Variants in KANK4 observed in about 807,000 individuals in gnomAD.
KANK4 encodes KN motif and ankyrin repeat domains 4, also known as KN motif and ankyrin repeat domain-containing protein 4.
In KANK4, 50 loss-of-function variants were observed where a neutral mutation model predicts 80.8. The observed-to-expected ratio is 0.62, with a 90% CI of 0.49 to 0.78. The LOEUF (loss-of-function observed/expected upper bound fraction) is 0.78. KANK4 is among the 30% of genes least tolerant of loss of function. KANK4 has a pLI of 0.00. For missense variants in KANK4, 1,196 were observed against 1,240.1 expected, an observed-to-expected ratio of 0.96 and a Z score of 0.53; for synonymous variants, 465 against 506.9, an observed-to-expected ratio of 0.92 and a Z score of 1.11.
At chr1:62,267,298 T>C (rs1297061173) in intron 5 of KANK4, among the ~76,000 whole-genome samples, 1 of 83,358 alleles carries the variant, frequency 1.2e-5, no homozygotes, top group African/African-American at 5.8e-5. Flanking sequence ...GTCAGTAATA[T>C]GAGACTCGTT....
At chr1:62,249,743 A>G (rs1401182755) in intron 8 of KANK4, among the ~76,000 whole-genome samples, 3 of 151,832 alleles carry the variant, frequency 2.0e-5, no homozygotes, top group African/African-American at 7.3e-5. Flanking sequence ...GGGTTTCACC[A>G]TGTTGGTCAG....
intron 1 of KANK4, among the ~76,000 whole-genome samples, chr1:62,303,141 T>C (rs1644425804): frequency 6.7e-6 from 1 of 150,124 alleles, no homozygotes; most frequent in African/African-American, 2.5e-5. Context: ...AGGTTTGCAA[T>C]AGTCAGTGAG....
At chr1:62,317,659 C>T (rs1644552994) in intron 1 of KANK4, among the ~76,000 whole-genome samples, 1 of 152,242 alleles carries the variant, frequency 6.6e-6, no homozygotes, top group Non-Finnish European at 1.5e-5. Context: ...CTAGAAGGCT[C>T]ATTCCACTCT....
intron 5 of KANK4, among the ~76,000 whole-genome samples, chr1:62,267,948 C>T (rs764610092): frequency 6.6e-6 from 1 of 152,146 alleles, no homozygotes; most frequent in Non-Finnish European, 1.5e-5. Context: ...TCTCTGTTTC[C>T]ACAACTGTAG....
intron 9 of KANK4, 144 bp downstream of exon 9, chr1:62,247,328 G>C: frequency 4.7e-6 from 1 of 211,672 alleles, no homozygotes; most frequent in Non-Finnish European, 9.2e-6. Flanking sequence ...TTTAAGAGAT[G>C]GGGGTCTCCC....
intron 1 of KANK4, among the ~76,000 whole-genome samples, chr1:62,295,186 G>A (rs1252507676): frequency 2.0e-5 from 3 of 151,644 alleles, no homozygotes; most frequent in Non-Finnish European, 2.9e-5. Flanking sequence ...TCGCCCAGGC[G>A]GGAGTGCAGT....
intron 8 of KANK4, among the ~76,000 whole-genome samples, chr1:62,250,897 G>A (rs925384942): frequency 4.6e-5 from 7 of 152,164 alleles, no homozygotes; most frequent in Admixed American, 3.9e-4. Flanking sequence ...CTTTGCCATC[G>A]GGTTAGGTTA....
chr1:62,255,471 A>C (rs56283743), intron 7 of KANK4, among the ~76,000 whole-genome samples: 4,936 of 147,178 alleles, frequency 0.034, 275 homozygotes, highest in African/African-American at 0.12. Context: ...TGCAGTGGTG[A>C]GATCATGGCT....
At chr1:62,282,164 T>C (rs1322033403) in intron 1 of KANK4, among the ~76,000 whole-genome samples, 1 of 152,076 alleles carries the variant, frequency 6.6e-6, no homozygotes, top group African/African-American at 2.4e-5. Context: ...AGCTGCTACT[T>C]AGAGGTAATT....
chr1:62,262,827 A>G (rs1442983945), intron 7 of KANK4, among the ~76,000 whole-genome samples: 1 of 152,174 alleles, frequency 6.6e-6, no homozygotes, highest in Non-Finnish European at 1.5e-5. Context: ...ACGAAGACAT[A>G]CAGAGTGGCA....
rs557192350 is a variant in KANK4 at position 62,238,028 on chromosome 1, G to A, written c.*249C>T. ...ATGTTTTGGATGTTTGGATGACACC[G>A]ACGTACCCCTCACCTTGCACCTTGA... On this transcript the variant is annotated 3_prime_UTR_variant, in exon 10 of 10. Coordinates refer to ENST00000371153, the MANE Select transcript of KANK4 (RefSeq NM_181712.5). 8.2e-5 allele frequency: 34 copies of A among 414,858 alleles called. No homozygotes were observed. Among genetic ancestry groups the A allele is most frequent in the South Asian group, 6.7e-5 (1 of 14,924 alleles). The allele number at this position is 414,858 out of a possible 1,614,324, so 25.7% of individuals were successfully genotyped here. A position where few individuals can be genotyped will look rare whatever the true frequency, so the allele number is the denominator to read the frequency against.
At chr1:62,308,202 G>A (rs1056932063) in intron 1 of KANK4, among the ~76,000 whole-genome samples, 3 of 152,164 alleles carry the variant, frequency 2.0e-5, no homozygotes, top group Non-Finnish European at 4.4e-5. Context: ...TGCTTTGGAA[G>A]GCTAACTACA....
At chr1:62,314,600 CA>C (rs1405084949) in intron 1 of KANK4, among the ~76,000 whole-genome samples, 1 of 151,976 alleles carries the variant, frequency 6.6e-6, no homozygotes, top group Non-Finnish European at 1.5e-5. Flanking sequence ...CCCCCCTTGT[CA>C]TTTGACGTCA....
At chr1:62,285,175 T>C (rs1672536793) in intron 1 of KANK4, among the ~76,000 whole-genome samples, 2 of 152,234 alleles carry the variant, frequency 1.3e-5, no homozygotes, top group South Asian at 4.1e-4. Context: ...GGATAGCTTG[T>C]GTGACTCCAT....
At chr1:62,295,566 G>A (rs1343080236) in intron 1 of KANK4, among the ~76,000 whole-genome samples, 9 of 152,190 alleles carry the variant, frequency 5.9e-5, no homozygotes, top group African/African-American at 1.9e-4. Flanking sequence ...ATTATCTACT[G>A]TTGGGAGGAG....
chr1:62,283,493 T>C (rs926404584), intron 1 of KANK4, among the ~76,000 whole-genome samples: 5 of 152,168 alleles, frequency 3.3e-5, no homozygotes, highest in African/African-American at 4.8e-5. Context: ...CAAAAGTGAT[T>C]TGTAAGCCTT....
At chr1:62,311,017 T>C (rs1243212802) in intron 1 of KANK4, among the ~76,000 whole-genome samples, 1 of 151,778 alleles carries the variant, frequency 6.6e-6, no homozygotes, top group African/African-American at 2.4e-5. Context: ...TGCCTGTGAG[T>C]GGGTTAAGGG....
At chr1:62,304,494 C>G (rs1278567985) in intron 1 of KANK4, among the ~76,000 whole-genome samples, 2 of 151,998 alleles carry the variant, frequency 1.3e-5, no homozygotes, top group South Asian at 2.1e-4. Context: ...GGACCTGCTT[C>G]CAATCCAGGA....
intron 6 of KANK4, among the ~76,000 whole-genome samples, chr1:62,265,819 G>GT (rs1203847174): frequency 1.3e-5 from 2 of 152,222 alleles, no homozygotes; most frequent in African/African-American, 4.8e-5. Context: ...CCATGAAGGT[G>GT]TGAAGGAGCC....
Sources: allele counts gnomAD v4.1 joint callset (sites outside exome capture counted in the v4.1 genomes callset), GRCh38; gene constraint gnomAD v4.1.1; transcripts MANE v1.5; gene names NCBI Gene and HGNC (gene_info 2026-07-23, HGNC 2026-07-21).